Variants in APCDD1L observed in about 807,000 individuals in gnomAD.
The protein encoded by APCDD1L is protein APCDD1-like.
Under a neutral mutation model 24.2 loss-of-function variants are expected in APCDD1L, and 21 were observed. That is an observed-to-expected ratio of 0.87 (90% CI 0.61 to 1.25). The LOEUF (loss-of-function observed/expected upper bound fraction) is 1.25, where lower values mean the gene tolerates loss of function less well. Among genes scored for constraint, APCDD1L ranks in the 50% most tolerant of loss-of-function variants. APCDD1L has a pLI of 0.00. For missense variants in APCDD1L, 704 were observed against 711.7 expected (o/e 0.99, Z 0.12); for synonymous variants, 321 against 323.6 (o/e 0.99, Z 0.09).
chr20:58,497,057 C>A lies in APCDD1L; in HGVS notation c.49+17602G>T, dbSNP rs752743137. On this transcript the variant is annotated intron_variant, in intron 1 of 3. Coordinates refer to ENST00000371149, the MANE Select transcript of APCDD1L (RefSeq NM_153360.3). The surrounding 1 kb of genome is among the most constrained non-coding windows in gnomAD (Gnocchi z 4.3). ...TGCAGACACCGGCCAGTGACAGGGGCCCTTTGAGGAGTGAGGCCATGCAGG... is the reference window on the plus strand; with the variant it reads ...TGCAGACACCGGCCAGTGACAGGGGACCTTTGAGGAGTGAGGCCATGCAGG... Among the ~76,000 whole-genome samples, 9 of 152,140 alleles carry A rather than the reference C, an allele frequency of 5.9e-5. No homozygotes were observed. Among genetic ancestry groups the A allele is most frequent in the Non-Finnish European group, 1.3e-4 (9 of 68,034 alleles).
intron 1 of APCDD1L, among the ~76,000 whole-genome samples, chr20:58,496,408 A>G (rs539455283): frequency 6.6e-6 from 1 of 152,356 alleles, no homozygotes; most frequent in South Asian, 2.1e-4. Context: ...CAGGCCAGGC[A>G]GAGGGACAGA....
chr20:58,502,538 G>A lies in APCDD1L; in HGVS notation c.49+12121C>T, dbSNP rs556533697. On this transcript the variant is annotated intron_variant, in intron 1 of 3. Coordinates refer to ENST00000371149, the MANE Select transcript of APCDD1L (RefSeq NM_153360.3). Reference sequence around the variant, plus strand: ...TGGGGTGTAGAACAGTGCCAGGCACGTAGTCAGCACCCACTGAATGCTTGT... The same window carrying A: ...TGGGGTGTAGAACAGTGCCAGGCACATAGTCAGCACCCACTGAATGCTTGT... Among the ~76,000 whole-genome samples the A allele has an allele frequency of 7.9e-5, 12 of 152,278 alleles. No homozygotes were observed. In the East Asian group the frequency reaches 9.6e-4, roughly 12 times the overall value.
intron 3 of APCDD1L, among the ~76,000 whole-genome samples, chr20:58,462,439 G>C (rs1312192501): frequency 5.3e-5 from 8 of 152,160 alleles, no homozygotes; most frequent in Admixed American, 5.2e-4. Flanking sequence ...CTTCCCTACA[G>C]GTGGAGAATA....
intron 1 of APCDD1L, among the ~76,000 whole-genome samples, chr20:58,477,931 G>A (rs1055129847): frequency 3.3e-5 from 5 of 152,150 alleles, no homozygotes; most frequent in Admixed American, 3.3e-4. Flanking sequence ...TTTCTGAGTT[G>A]ATTAACAGTA....
In APCDD1L at chr20:58,505,621, C is replaced by A. The variant is rs145745401; in HGVS notation, c.49+9038G>T. On this transcript the variant is annotated intron_variant, in intron 1 of 3. Coordinates refer to ENST00000371149, the MANE Select transcript of APCDD1L (RefSeq NM_153360.3). ...TCTCAAATTCCATTTCCCAGAAACA[C>A]CTGGTGCCATCCCACCCACCAGAGT... Among the ~76,000 whole-genome samples, 314 of 152,288 alleles carry A rather than the reference C, an allele frequency of 2.1e-3. 1 individual carries two copies. The highest frequency in any genetic ancestry group is 4.1e-3 in the Admixed American group (63 of 15,290).
chr20:58,487,451 G>A (rs1990141512), intron 1 of APCDD1L, among the ~76,000 whole-genome samples: 2 of 148,894 alleles, frequency 1.3e-5, no homozygotes, highest in Admixed American at 1.3e-4. Context: ...AGCATAAAAA[G>A]TATAGTTTGT....
In APCDD1L at chr20:58,461,187, A is replaced by G; in HGVS notation, c.1109T>C (p.Met370Thr). The stretch of plus-strand genomic sequence containing the variant: ...GCTGCTTGGCTCAGAGAAGTTGAGC[A>G]TGGCCGTGGTGACCTGGTCCATGGG... Reference protein sequence around the residue: ...VTPMDQVTTAMLNFSEPSSCG... With the variant: ...VTPMDQVTTATLNFSEPSSCG... Residue 370 changes from methionine (M) to threonine (T), a missense_variant, in exon 4 of 4, where the codon ATG (methionine) becomes ACG (threonine). By Grantham distance (81) the Met-to-Thr change is moderately conservative. Transcript: ENST00000371149. This position sits in a 1 kb window ranked among gnomAD's most constrained non-coding sequence, Gnocchi z 6.0. 1 of 1,613,464 alleles carries G rather than the reference A, an allele frequency of 6.2e-7. No individual in the cohort carries two copies. Among genetic ancestry groups the G allele is most frequent in the Non-Finnish European group, 8.5e-7 (1 of 1,179,698 alleles).
chr20:58,467,242 T>C lies in APCDD1L; in HGVS notation c.605A>G (p.Gln202Arg), dbSNP rs756574800. The change falls in exon 3 of 4, where the codon CAG (glutamine) becomes CGG (arginine). Residue 202 changes from glutamine (Q) to arginine (R), a missense_variant. Physicochemically the swap from Gln to Arg is conservative, Grantham distance 43. Transcript: ENST00000371149. This position sits in a 1 kb window ranked among gnomAD's most constrained non-coding sequence, Gnocchi z 5.9. Reference protein sequence around the residue: ...TMHELSLVRVQRRLQPQPRAS... With the variant: ...TMHELSLVRVRRRLQPQPRAS... ...CCGGGGCTGCGGCTGCAGGCGGCGC[T>C]GCACGCGGACCAGGCTGAGCTCGTG... The C allele has an allele frequency of 6.3e-7, 1 of 1,590,940 alleles. No individual in the cohort carries two copies. Among genetic ancestry groups the C allele is most frequent in the Non-Finnish European group, 8.5e-7 (1 of 1,174,310 alleles).
In APCDD1L at chr20:58,460,563, C is replaced by G. The variant is rs1344051934; in HGVS notation, c.*227G>C. 1 of 439,018 alleles carries G rather than the reference C, an allele frequency of 2.3e-6. No individual in the cohort carries two copies. Among genetic ancestry groups the G allele is most frequent in the Non-Finnish European group, 3.9e-6 (1 of 256,950 alleles). 27.2% of individuals were successfully genotyped at this position (439,018 alleles called of 1,614,324 possible). A position where few individuals can be genotyped will look rare whatever the true frequency, so the allele number is the denominator to read the frequency against. ...GTAGCGATGAACATCACTGCCGCAT[C>G]CAAGTGCTTGACTGGGGACCCGGGC... On this transcript the variant is annotated 3_prime_UTR_variant, in exon 4 of 4. Coordinates refer to ENST00000371149, the MANE Select transcript of APCDD1L (RefSeq NM_153360.3). This position sits in a 1 kb window ranked among gnomAD's most constrained non-coding sequence, Gnocchi z 4.2.
chr20:58,467,445 G>C lies in APCDD1L; in HGVS notation c.402C>G (p.Ile134Met). Residue 134 changes from isoleucine (I) to methionine (M), a missense_variant, in exon 3 of 4, where the codon ATC (isoleucine) becomes ATG (methionine). By Grantham distance (10) the Ile-to-Met change is conservative. Transcript: ENST00000371149. The surrounding 1 kb of genome is among the most constrained non-coding windows in gnomAD (Gnocchi z 5.9). ...EADYHLHKVG[I>M]VFHSRRALVD... Reference sequence around the variant, plus strand: ...CCAGGGCCCGGCGGCTGTGGAAGACGATGCCCACCTTGTGCAGGTGGTAGT... The same window carrying C: ...CCAGGGCCCGGCGGCTGTGGAAGACCATGCCCACCTTGTGCAGGTGGTAGT... 6.3e-7 allele frequency: 1 copy of C among 1,585,448 alleles called. No individual in the cohort carries two copies.
intron 1 of APCDD1L, among the ~76,000 whole-genome samples, chr20:58,510,614 G>C (rs1008330648): frequency 2.6e-5 from 4 of 152,188 alleles, no homozygotes; most frequent in African/African-American, 9.7e-5. Context: ...TTAAAGGCGT[G>C]AGCCACCATG....
At chr20:58,489,568 C>T (rs1337083553) in intron 1 of APCDD1L, among the ~76,000 whole-genome samples, 1 of 151,824 alleles carries the variant, frequency 6.6e-6, no homozygotes, top group African/African-American at 2.4e-5. Context: ...CCTGTAATCC[C>T]AGCTACTTTG....
chr20:58,481,743 C>T (rs1034376534), intron 1 of APCDD1L, among the ~76,000 whole-genome samples: 7 of 152,226 alleles, frequency 4.6e-5, no homozygotes, highest in African/African-American at 1.7e-4. Context: ...GCTCCAGCTT[C>T]GGCCTCCAGC....
At chr20:58,495,339 G>A (rs914558224) in intron 1 of APCDD1L, among the ~76,000 whole-genome samples, 1 of 152,230 alleles carries the variant, frequency 6.6e-6, no homozygotes, top group African/African-American at 2.4e-5. Context: ...TTCTGAGTGT[G>A]GGACCATGTG....
intron 1 of APCDD1L, among the ~76,000 whole-genome samples, chr20:58,480,254 C>T (rs1369841379): frequency 6.6e-6 from 1 of 152,182 alleles, no homozygotes; most frequent in Non-Finnish European, 1.5e-5. Flanking sequence ...GCATCCCAGC[C>T]CTGTGGAATG....
At chr20:58,477,929 T>C (rs6026295) in intron 1 of APCDD1L, among the ~76,000 whole-genome samples, 55,784 of 152,142 alleles carry the variant, frequency 0.37, 10,578 homozygotes, top group Admixed American at 0.43. Context: ...TCTTTCTGAG[T>C]TGATTAACAG....
At chr20:58,504,476 G>A (rs114083676) in intron 1 of APCDD1L, among the ~76,000 whole-genome samples, 14 of 152,272 alleles carry the variant, frequency 9.2e-5, no homozygotes, top group East Asian at 7.7e-4. Context: ...GCCCAGTAGC[G>A]TCTATTTCTT....
In APCDD1L at chr20:58,512,670, C is replaced by T. The variant is rs557832196; in HGVS notation, c.49+1989G>A. 5.9e-5 allele frequency among the ~76,000 whole-genome samples: 9 copies of T among 152,264 alleles called. No homozygotes were observed. In the South Asian group the frequency reaches 1.0e-3, roughly 18 times the overall value. ...GAAGTTCAGGCGTGCCCAGCTCAGG[C>T]ACCTAAATTATGTCAGTAGCTGAAG... is the stretch of plus-strand genomic sequence containing the variant. On this transcript the variant is annotated intron_variant, in intron 1 of 3. Transcript: ENST00000371149.
At chr20:58,474,198 G>A (rs751985209) in intron 1 of APCDD1L, among the ~76,000 whole-genome samples, 10 of 152,202 alleles carry the variant, frequency 6.6e-5, no homozygotes, top group African/African-American at 2.2e-4. Flanking sequence ...CAGCGGCAGC[G>A]TGTCAGTACC....
Sources: gnomAD v4.1 joint callset for allele counts (sites outside exome capture counted in the v4.1 genomes callset) on GRCh38, gnomAD v4.1.1 for gene constraint, Gnocchi (gnomAD v3.1) non-coding constraint, MANE v1.5 for transcripts, NCBI Gene and HGNC (gene_info 2026-07-23, HGNC 2026-07-21) for gene names.